The following KATNAL1 variants were observed in gnomAD, a reference collection of about 807,000 sequenced individuals.
KATNAL1 encodes katanin p60 ATPase-containing subunit A-like 1.
A neutral mutation model predicts 55.2 loss-of-function variants in KATNAL1; 32 were observed. The observed-to-expected ratio is 0.58, with a 90% confidence interval of 0.44 to 0.78. KATNAL1 has a LOEUF of 0.78. Among genes scored for constraint, KATNAL1 ranks in the 30% least tolerant of loss-of-function variants. KATNAL1 has a pLI of 0.00. For synonymous variants in KATNAL1, 193 were observed against 193.6 expected, an observed-to-expected ratio of 1.00 and a Z score of 0.02; for missense variants, 466 against 600.9, an observed-to-expected ratio of 0.78 and a Z score of 2.35.
intron 6 of KATNAL1, among the ~76,000 whole-genome samples, chr13:30,238,962 T>C (rs940199324): frequency 2.0e-5 from 3 of 152,228 alleles, no homozygotes; most frequent in Middle Eastern, 3.2e-3. Context: ...CACAACCTAT[T>C]TGGACTTCAA....
Position 30,203,995 on chromosome 13 carries a change from G to A in KATNAL1, c.*4545C>T, listed in dbSNP as rs1872887605. ...TTCTGTAAAAATAGTTAGTGGAGAT[G>A]ACAGTAAAACATTCGAGGCTTAAAT... On this transcript the variant is annotated 3_prime_UTR_variant, in exon 11 of 11. Coordinates refer to ENST00000380615, the MANE Select transcript of KATNAL1 (RefSeq NM_032116.5). The A allele has an allele frequency of 6.6e-6, 1 of 152,124 alleles. No individual in the cohort carries two copies. Among genetic ancestry groups the A allele is most frequent in the African/African-American group, 2.4e-5 (1 of 41,436 alleles). The allele number at this position is 152,124 out of a possible 1,614,324, so 9.4% of individuals were successfully genotyped here.
At chr13:30,285,223 C>T (rs1593948783) in intron 1 of KATNAL1, among the ~76,000 whole-genome samples, 1 of 152,156 alleles carries the variant, frequency 6.6e-6, no homozygotes, top group East Asian at 1.9e-4. Context: ...TCCATGAAGG[C>T]AGAGTTGTAT....
chr13:30,247,649 GAA>G (rs1247400216), intron 4 of KATNAL1, among the ~76,000 whole-genome samples: 3 of 152,156 alleles, frequency 2.0e-5, no homozygotes, highest in Non-Finnish European at 4.4e-5. Context: ...GAAACCAACA[GAA>G]AGAAATGAGA....
intron 9 of KATNAL1, among the ~76,000 whole-genome samples, chr13:30,219,713 C>T (rs1307099863): frequency 6.6e-6 from 1 of 152,040 alleles, no homozygotes; most frequent in Non-Finnish European, 1.5e-5. Context: ...AAAGCATTTC[C>T]CAGGTTTCAT....
At chr13:30,244,093 C>A (rs145186745) in intron 4 of KATNAL1, among the ~76,000 whole-genome samples, 18 of 151,888 alleles carry the variant, frequency 1.2e-4, no homozygotes, top group African/African-American at 2.7e-4. Flanking sequence ...CCCCCACCCC[C>A]CAACAGGCCC....
intron 1 of KATNAL1, among the ~76,000 whole-genome samples, chr13:30,289,134 C>T (rs1310515749): frequency 2.0e-5 from 3 of 152,204 alleles, no homozygotes; most frequent in Admixed American, 6.5e-5. Context: ...AGCTATTCTA[C>T]ACACACTATT....
At position 30,280,117 on chromosome 13, in the gene KATNAL1, T is replaced by A. The variant is rs137952256; in HGVS notation, c.269A>T (p.Asp90Val). The A allele has an allele frequency of 6.2e-7, 1 of 1,613,500 alleles. No homozygotes were observed. The highest frequency in any genetic ancestry group is 8.5e-7 in the Non-Finnish European group (1 of 1,179,814). The change falls in exon 3 of 11, where the codon GAT becomes GTT. Residue 90 changes from aspartate to valine, a missense_variant. Physicochemically the swap from Asp to Val is radical, Grantham distance 152. This residue lies in a region of KATNAL1 where 248 missense variants were observed against 275.5 expected (regional missense o/e 0.90). Transcript: ENST00000380615. ...KPPDFPVSCQ[D>V]EPFRDPAVWP... Reference sequence around the variant, plus strand: ...AACAGCAGGATCTCTAAATGGTTCATCTTGACAGGACACAGGGAAATCTGG... The same window carrying A: ...AACAGCAGGATCTCTAAATGGTTCAACTTGACAGGACACAGGGAAATCTGG...
At chr13:30,244,438 C>T (rs539502449) in intron 4 of KATNAL1, among the ~76,000 whole-genome samples, 1 of 152,242 alleles carries the variant, frequency 6.6e-6, no homozygotes, top group South Asian at 2.1e-4. Context: ...TGGGTATATA[C>T]CCTGTAATGG....
rs1872971335 is a variant in KATNAL1 at position 30,204,876 on chromosome 13, A to C, written c.*3664T>G. On this transcript the variant is annotated 3_prime_UTR_variant, in exon 11 of 11. Coordinates refer to ENST00000380615, the MANE Select transcript of KATNAL1 (RefSeq NM_032116.5). ...TTGTGGGAGGTAGTGGTCAGACCCG[A>C]AAGTGTGTAGATAAAGTCTGTGATG... 1 of 152,190 alleles carries C rather than the reference A, an allele frequency of 6.6e-6. No homozygotes were observed. Among genetic ancestry groups the C allele is most frequent in the Non-Finnish European group, 1.5e-5 (1 of 68,036 alleles). 9.4% of individuals were successfully genotyped at this position (152,190 alleles called of 1,614,324 possible).
chr13:30,245,029 A>AAG, intron 4 of KATNAL1, among the ~76,000 whole-genome samples: 1 of 151,692 alleles, frequency 6.6e-6, no homozygotes, highest in Admixed American at 6.6e-5. Context: ...AAAAAAAAAA[A>AAG]GGGACTCTTC....
chr13:30,205,925 A>AGTGTGTGTGT lies in KATNAL1; in HGVS notation c.*2605_*2614dup, dbSNP rs140880148. On this transcript the variant is annotated 3_prime_UTR_variant, in exon 11 of 11. Coordinates refer to ENST00000380615, the MANE Select transcript of KATNAL1 (RefSeq NM_032116.5). ...AAGGCAACACACTGTCTTCTGAAATAGTGTGTGTGTGTGTGTGTGTGTGTG... is the reference window on the plus strand; with the variant it reads ...AAGGCAACACACTGTCTTCTGAAATAGTGTGTGTGTGTGTGTGTGTGTGTGTGTGTGTGTG... 5.6e-4 allele frequency: 70 copies of AGTGTGTGTGT among 124,724 alleles called. No individual in the cohort carries two copies. Among genetic ancestry groups the AGTGTGTGTGT allele is most frequent in the African/African-American group, 9.7e-4 (28 of 28,848 alleles). 7.7% of individuals were successfully genotyped at this position (124,724 alleles called of 1,614,324 possible). A position where few individuals can be genotyped will look rare whatever the true frequency, so the allele number is the denominator to read the frequency against.
chr13:30,299,405 T>A (rs1383551515), intron 1 of KATNAL1, among the ~76,000 whole-genome samples: 1 of 152,072 alleles, frequency 6.6e-6, no homozygotes, highest in Non-Finnish European at 1.5e-5. Context: ...TGAATCAATA[T>A]AAGGAATATT....
At chr13:30,209,425 TG>T (rs1232114281) in intron 10 of KATNAL1, among the ~76,000 whole-genome samples, 1 of 152,216 alleles carries the variant, frequency 6.6e-6, no homozygotes, top group African/African-American at 2.4e-5. Flanking sequence ...CCTTATTGTA[TG>T]CCACTAAACT....
Position 30,208,635 on chromosome 13 carries a change from C to T in KATNAL1, c.1378G>A (p.Asp460Asn). The change falls in exon 11 of 11, where the codon GAC becomes AAC. Residue 460 changes from aspartate to asparagine, a missense_variant. Coordinates refer to ENST00000380615, the MANE Select transcript of KATNAL1 (RefSeq NM_032116.5). ...EELQMPVTKG[D>N]FELALKKIAK... ...ATTTTCTTTAGGGCCAATTCAAAGT[C>T]TCCTTTGGTAACAGGCATCTGAAGT... is the stretch of plus-strand genomic sequence containing the variant. 6.2e-7 allele frequency: 1 copy of T among 1,613,882 alleles called. No homozygotes were observed. Among genetic ancestry groups the T allele is most frequent in the Non-Finnish European group, 8.5e-7 (1 of 1,179,888 alleles).
At chr13:30,276,949 C>T (rs1393354152) in intron 3 of KATNAL1, among the ~76,000 whole-genome samples, 1 of 152,094 alleles carries the variant, frequency 6.6e-6, no homozygotes, top group African/African-American at 2.4e-5. Context: ...TGATAATATG[C>T]ATATACAATA....
intron 9 of KATNAL1, among the ~76,000 whole-genome samples, chr13:30,215,090 A>C (rs1338837234): frequency 3.3e-5 from 5 of 151,510 alleles, no homozygotes; most frequent in African/African-American, 7.3e-5. Flanking sequence ...AAAAACAAAC[A>C]ACCCCATCAA....
At chr13:30,256,053 C>T (rs1593896692) in intron 3 of KATNAL1, among the ~76,000 whole-genome samples, 2 of 152,158 alleles carry the variant, frequency 1.3e-5, no homozygotes, top group East Asian at 3.8e-4. Flanking sequence ...GTACAGTTTA[C>T]TAATTTCTGT....
intron 1 of KATNAL1, among the ~76,000 whole-genome samples, chr13:30,303,050 G>T (rs1469602619): frequency 6.6e-6 from 1 of 152,098 alleles, no homozygotes; most frequent in African/African-American, 2.4e-5. Flanking sequence ...ATATTAAAAA[G>T]AATAAGATTT....
chr13:30,294,516 G>A (rs1882350557), intron 1 of KATNAL1, among the ~76,000 whole-genome samples: 1 of 152,308 alleles, frequency 6.6e-6, no homozygotes, highest in Non-Finnish European at 1.5e-5. Context: ...TATGAAGCAA[G>A]TAGAGACTGG....
Sources: gnomAD v4.1 joint callset for allele counts (sites outside exome capture counted in the v4.1 genomes callset) on GRCh38, gnomAD v4.1.1 for gene constraint, gnomAD v4.1.1 regional missense constraint, MANE v1.5 for transcripts, NCBI Gene and HGNC (gene_info 2026-07-23, HGNC 2026-07-21) for gene names.